DNAH14: variants seen among roughly 807,000 people sequenced by gnomAD.
DNAH14 encodes dynein axonemal heavy chain 14, also known as axonemal beta dynein heavy chain 14.
A neutral mutation model predicts 520.9 loss-of-function variants in DNAH14; 478 were observed. The ratio of observed to expected loss-of-function variants is 0.92; its 90% CI spans 0.85 to 0.99. The LOEUF (loss-of-function observed/expected upper bound fraction) is 0.99, where lower values mean the gene tolerates loss of function less well. DNAH14 is among the 50% of genes least tolerant of loss of function. The pLI is 0.00. For missense variants in DNAH14, 4,831 were observed against 5,234.5 expected (o/e 0.92, Z 2.38); for synonymous variants, 1,581 against 1,757.2 (o/e 0.90, Z 2.51).
At chr1:225,163,918 T>C (rs934150829) in intron 35 of DNAH14, among the ~76,000 whole-genome samples, 5 of 152,174 alleles carry the variant, frequency 3.3e-5, no homozygotes, top group Non-Finnish European at 4.4e-5. Context: ...GCAATTTATA[T>C]ATTTAGCCTT....
At chr1:225,266,321 A>C (rs1461496514) in intron 48 of DNAH14, among the ~76,000 whole-genome samples, 1 of 152,158 alleles carries the variant, frequency 6.6e-6, no homozygotes. Flanking sequence ...GTTCCTGTGT[A>C]ATAGCCATAA....
chr1:225,131,788 A>G (rs1352290741), intron 27 of DNAH14, among the ~76,000 whole-genome samples: 1 of 152,176 alleles, frequency 6.6e-6, no homozygotes, highest in Non-Finnish European at 1.5e-5. Flanking sequence ...TGTCAATAAA[A>G]CAAAAATTGG....
chr1:225,129,915 C>T (rs965728937), intron 27 of DNAH14, among the ~76,000 whole-genome samples: 1 of 152,142 alleles, frequency 6.6e-6, no homozygotes, highest in Non-Finnish European at 1.5e-5. Context: ...TTGCAACCTA[C>T]TCATCAGACA....
intron 60 of DNAH14, among the ~76,000 whole-genome samples, chr1:225,313,374 A>T (rs1173964042): frequency 6.6e-6 from 1 of 151,852 alleles, no homozygotes; most frequent in Non-Finnish European, 1.5e-5. Flanking sequence ...TATTTTGTTA[A>T]TCTTTTCAAA....
chr1:225,198,254 G>A (rs2086402544), intron 38 of DNAH14, among the ~76,000 whole-genome samples: 1 of 149,146 alleles, frequency 6.7e-6, no homozygotes, highest in South Asian at 2.1e-4. Flanking sequence ...GTCTCACTGT[G>A]TTGCCCGGGC....
chr1:225,274,197 A>ATTTTTTTTTTTTTTTTTTTTTTT (rs869247051), intron 52 of DNAH14, among the ~76,000 whole-genome samples: 5 of 92,884 alleles, frequency 5.4e-5, no homozygotes, highest in African/African-American at 2.0e-4. Flanking sequence ...AGCATCTGTT[A>ATTTTTTTTTTTTTTTTTTTTTTT]TTTTTTTTTT....
chr1:225,398,970 C>A (rs1247141208), intron 85 of DNAH14, 84 bp from the exon 86 acceptor site: 3 of 1,063,978 alleles, frequency 2.8e-6, no homozygotes, highest in South Asian at 3.1e-5. Context: ...TAACAAATCC[C>A]TCAAGCCTAG....
At chr1:225,233,405 C>G (rs2091302374) in intron 42 of DNAH14, among the ~76,000 whole-genome samples, 1 of 152,208 alleles carries the variant, frequency 6.6e-6, no homozygotes, top group African/African-American at 2.4e-5. Flanking sequence ...AATGGTTGAA[C>G]TAATTTACAC....
rs770796192 is a variant in DNAH14, at chr1:225,232,272, T to TACACACACACACAC, written c.6518+1122_6518+1123insCACACACACACACA. Reference sequence around the variant, plus strand: ...GTCATTATATATATAAACTGTGATATATATATATACACACACACACACACA... The same window carrying TACACACACACACAC: ...GTCATTATATATATAAACTGTGATATACACACACACACACATATATATACACACACACACACACA... On this transcript the variant is annotated intron_variant, in intron 42 of 85. Transcript: ENST00000682510. The surrounding 1 kb of genome is among the most constrained non-coding windows in gnomAD (Gnocchi z 4.2). Among the ~76,000 whole-genome samples the TACACACACACACAC allele has an allele frequency of 1.4e-4, 20 of 143,846 alleles. No individual in the cohort carries two copies. Among genetic ancestry groups the TACACACACACACAC allele is most frequent in the Non-Finnish European group, 2.1e-4 (14 of 66,666 alleles). 94.4% of individuals were successfully genotyped at this position (143,846 alleles called of 152,430 possible).
intron 36 of DNAH14, among the ~76,000 whole-genome samples, chr1:225,171,366 C>T (rs2082636198): frequency 6.6e-6 from 1 of 151,950 alleles, no homozygotes; most frequent in African/African-American, 2.4e-5. Flanking sequence ...AATTGATAGA[C>T]CGCTAGCAAA....
chr1:224,980,007 A>G (rs941860544), intron 8 of DNAH14, among the ~76,000 whole-genome samples: 2 of 152,204 alleles, frequency 1.3e-5, no homozygotes, highest in Admixed American at 6.5e-5. Flanking sequence ...GTAGTACACT[A>G]TGGCCTTGGG....
chr1:225,108,616 TCCCTTGTC>T (rs2148803392), intron 23 of DNAH14, among the ~76,000 whole-genome samples: 1 of 152,310 alleles, frequency 6.6e-6, no homozygotes, highest in Admixed American at 6.5e-5. Context: ...TAGTTATTAA[TCCCTTGTC>T]AGATGGATAG....
chr1:225,128,567 A>G (rs2078027359), intron 27 of DNAH14, among the ~76,000 whole-genome samples: 1 of 151,748 alleles, frequency 6.6e-6, no homozygotes, highest in Non-Finnish European at 1.5e-5. Flanking sequence ...GACAAAAACC[A>G]CATGATTATC....
rs772708366 is a variant in DNAH14 at position 225,374,777 on chromosome 1, C to T, written c.12408C>T (p.Tyr4136=). ...ALRYLIGEVI[Y]GGRVIDNWDK... ...GCTACCTGATTGGAGAAGTGATTTACGGTGGCCGGGTGATTGATAATTGGG... is the reference window on the plus strand; with the variant it reads ...GCTACCTGATTGGAGAAGTGATTTATGGTGGCCGGGTGATTGATAATTGGG... The change falls in exon 78 of 86, where the codon TAC becomes TAT. Residue 4136 remains tyrosine (Y), a synonymous_variant. Coordinates refer to ENST00000682510, the MANE Select transcript of DNAH14 (RefSeq NM_001367479.1). 32 of 1,551,376 alleles carry T rather than the reference C, an allele frequency of 2.1e-5. No individual in the cohort carries two copies. Among genetic ancestry groups the T allele is most frequent in the South Asian group, 5.9e-5 (5 of 84,054 alleles).
chr1:225,057,633 T>C (rs2069316976), intron 17 of DNAH14, among the ~76,000 whole-genome samples: 1 of 152,198 alleles, frequency 6.6e-6, no homozygotes, highest in African/African-American at 2.4e-5. Flanking sequence ...GCTTCCAGTT[T>C]TTGCCCATTC....
At chr1:225,119,160 G>C in intron 25 of DNAH14, 60 bp from the exon 26 acceptor site, 4 of 1,298,960 alleles carry the variant, frequency 3.1e-6, no homozygotes, top group Non-Finnish European at 4.2e-6. Context: ...GCTTGTCAAA[G>C]GACTGAAACA....
rs1167579603 is a variant in DNAH14, at chr1:225,346,105, A to T, written c.10822A>T (p.Thr3608Ser). ...ACGTAAAAACTATCTCCCCATTGCG[A>T]CCCGAGGCGCCCTGCTCTACTTCCT... is the stretch of plus-strand genomic sequence containing the variant. The part of the protein sequence containing the change: ...AIRKNYLPIA[T>S]RGALLYFLVA... The change falls in exon 70 of 86, where the codon ACC (threonine) becomes TCC (serine). Residue 3608 changes from threonine (T) to serine (S), a missense_variant. Thr to Ser is a moderately conservative substitution (Grantham distance 58). Transcript: ENST00000682510. 1 of 1,551,714 alleles carries T rather than the reference A, an allele frequency of 6.4e-7. No homozygotes were observed. The highest frequency in any genetic ancestry group is 8.7e-7 in the Non-Finnish European group (1 of 1,146,996).
At chr1:225,384,907 C>T (rs897696608) in intron 81 of DNAH14, among the ~76,000 whole-genome samples, 3 of 152,178 alleles carry the variant, frequency 2.0e-5, no homozygotes, top group Non-Finnish European at 2.9e-5. Flanking sequence ...ATACCAAAGC[C>T]TGGCAGAGAC....
intron 55 of DNAH14, among the ~76,000 whole-genome samples, 188 bp from the exon 56 acceptor site, chr1:225,300,681 G>A (rs922760862): frequency 6.6e-6 from 1 of 151,926 alleles, no homozygotes; most frequent in Non-Finnish European, 1.5e-5. Flanking sequence ...CTCCAGACTG[G>A]GCAACAGGGT....
Sources: allele counts gnomAD v4.1 joint callset (sites outside exome capture counted in the v4.1 genomes callset), GRCh38; gene constraint gnomAD v4.1.1; non-coding constraint Gnocchi (gnomAD v3.1); transcripts MANE v1.5; gene names NCBI Gene and HGNC (gene_info 2026-07-23, HGNC 2026-07-21).